NDST1: variants seen among roughly 807,000 people sequenced by gnomAD.
NDST1 encodes the protein bifunctional heparan sulfate N-deacetylase/N-sulfotransferase 1.
NDST1 carries 35 observed loss-of-function variants against 92.8 expected under a neutral mutation model. The observed-to-expected ratio is 0.38, with a 90% CI of 0.29 to 0.50. The LOEUF is 0.50. NDST1 is among the 20% of genes least tolerant of loss of function. The probability of loss-of-function intolerance (pLI) is 0.94; values close to 1 mark genes in which losing one functional copy is unlikely to be tolerated. For missense variants in NDST1, 822 were observed against 1,182.7 expected (o/e 0.69, Z 4.47); for synonymous variants, 493 against 500.3 (o/e 0.99, Z 0.19).
At chr5:150,536,004 A>G in intron 6 of NDST1, 119 bp downstream of exon 6, 3 of 1,226,794 alleles carry the variant, frequency 2.4e-6, no homozygotes, top group African/African-American at 1.5e-5. Flanking sequence ...GTTGCAGATC[A>G]GCTTCTGCTG....
rs1356527960 is a variant in NDST1 at position 150,549,798 on chromosome 5, C to G, written c.2426+11C>G. 1 of 1,555,000 alleles carries G rather than the reference C, an allele frequency of 6.4e-7. No individual in the cohort carries two copies. Among genetic ancestry groups the G allele is most frequent in the East Asian group, 2.2e-5 (1 of 44,606 alleles). On this transcript the variant is annotated intron_variant, in intron 13 of 14. Transcript: ENST00000261797. ...CCACAAAACCTTGGCGTGAGTGTTG[C>G]CTTTTCCTTTCTGCAGGTTATTTCC...
chr5:150,545,014 G>A (rs1314195444), intron 10 of NDST1, among the ~76,000 whole-genome samples: 1 of 152,162 alleles, frequency 6.6e-6, no homozygotes, highest in African/African-American at 2.4e-5. Context: ...CTAGAGTTTA[G>A]GATTGAGGGG....
At position 150,553,021 on chromosome 5, in the gene NDST1, A is replaced by T. The variant is rs1755790054; in HGVS notation, c.2530-192A>T. ...ACCACCTCACCCCGCTAATTTTTGT[A>T]TTTTTAGTAGGGTTTTCCCATGTTG... On this transcript the variant is annotated intron_variant, in intron 14 of 14. Transcript: ENST00000261797. The surrounding 1 kb of genome is among the most constrained non-coding windows in gnomAD (Gnocchi z 4.2). Among the ~76,000 whole-genome samples the T allele has an allele frequency of 6.6e-6, 1 of 151,786 alleles. No individual in the cohort carries two copies. Among genetic ancestry groups the T allele is most frequent in the African/African-American group, 2.4e-5 (1 of 41,282 alleles).
chr5:150,526,347 A>G (rs1754477346), intron 2 of NDST1, among the ~76,000 whole-genome samples: 1 of 152,202 alleles, frequency 6.6e-6, no homozygotes, highest in Non-Finnish European at 1.5e-5. Flanking sequence ...AGCAGGGGCC[A>G]TGTCTTTGTT....
intron 1 of NDST1, among the ~76,000 whole-genome samples, chr5:150,509,564 G>C (rs1753623537): frequency 6.6e-6 from 1 of 152,136 alleles, no homozygotes. Flanking sequence ...TCAGGCTAGA[G>C]TGCAATGGCG....
rs1004799009 is a variant in NDST1, at chr5:150,535,595, T to A, written c.1252-105T>A. On this transcript the variant is annotated intron_variant, in intron 5 of 14. Transcript: ENST00000261797. ...CCATGAAGTCTCAGACCAGCAGCCA[T>A]GCCGACCTAACCTCTGATTTCTCTC... 4.2e-6 allele frequency: 6 copies of A among 1,419,862 alleles called. No homozygotes were observed. In the Admixed American group the frequency reaches 1.1e-4, roughly 25 times the overall value. The allele number at this position is 1,419,862 out of a possible 1,614,324, so 88.0% of individuals were successfully genotyped here.
chr5:150,545,395 T>G lies in NDST1; in HGVS notation c.2054T>G (p.Val685Gly). The change falls in exon 11 of 15, where the codon GTG (valine) becomes GGG (glycine). Residue 685 changes from valine (V) to glycine (G), a missense_variant. Coordinates refer to ENST00000261797, the MANE Select transcript of NDST1 (RefSeq NM_001543.5). ...AGCGCCAACTACTTTGATTCAGAAGTGGCGCCCCGGCGGGCAGCAGCCCTC... is the reference window on the plus strand; with the variant it reads ...AGCGCCAACTACTTTGATTCAGAAGGGGCGCCCCGGCGGGCAGCAGCCCTC... ...EKSANYFDSEVAPRRAAALLP... is the reference protein window; with the variant it reads ...EKSANYFDSEGAPRRAAALLP... 6.2e-7 allele frequency: 1 copy of G among 1,614,252 alleles called. No individual in the cohort carries two copies. The highest frequency in any genetic ancestry group is 8.5e-7 in the Non-Finnish European group (1 of 1,180,040).
chr5:150,517,763 G>T lies in NDST1; in HGVS notation c.-387-3105G>T, dbSNP rs1581359467. ...TCCCACATTCCTGAGACTCTGAGCTGCATCATTCACACTCTGAAAGATTGT... is the reference window on the plus strand; with the variant it reads ...TCCCACATTCCTGAGACTCTGAGCTTCATCATTCACACTCTGAAAGATTGT... On this transcript the variant is annotated intron_variant, in intron 1 of 14. Coordinates refer to ENST00000261797, the MANE Select transcript of NDST1 (RefSeq NM_001543.5). Among the ~76,000 whole-genome samples the T allele has an allele frequency of 2.0e-5, 3 of 152,334 alleles. No individual in the cohort carries two copies. The South Asian group carries it at 6.2e-4, about 32-fold the overall frequency.
intron 1 of NDST1, among the ~76,000 whole-genome samples, chr5:150,516,153 C>T (rs866204005): frequency 2.0e-5 from 3 of 152,222 alleles, no homozygotes; most frequent in East Asian, 1.9e-4. Flanking sequence ...GAGAGGAGGA[C>T]GGCAGCCCTG....
rs563481684 is a variant in NDST1 at position 150,534,695 on chromosome 5, G to C, written c.1097-172G>C. On this transcript the variant is annotated intron_variant, in intron 4 of 14. Transcript: ENST00000261797. ...TGAGTCAAGGGCACACTCTAGACTA[G>C]AATTCAGGGCTCTGGGCTGGGGCTC... Among the ~76,000 whole-genome samples the C allele has an allele frequency of 2.0e-5, 3 of 152,372 alleles. No individual in the cohort carries two copies. The South Asian group carries it at 6.2e-4, about 32-fold the overall frequency.
chr5:150,514,987 T>A (rs998301938), intron 1 of NDST1, among the ~76,000 whole-genome samples: 24 of 152,056 alleles, frequency 1.6e-4, no homozygotes, highest in African/African-American at 5.8e-4. Flanking sequence ...GTGTGCCGGG[T>A]GCTGGTGAGG....
chr5:150,539,713 G>A, intron 7 of NDST1: 2 of 984,850 alleles, frequency 2.0e-6, no homozygotes, highest in Non-Finnish European at 1.2e-6. Context: ...TTTGTAAAAT[G>A]CAAACAATTA....
At chr5:150,531,176 A>G (rs892426714) in intron 3 of NDST1, among the ~76,000 whole-genome samples, 1 of 152,122 alleles carries the variant, frequency 6.6e-6, no homozygotes. Context: ...GCGCAATTTA[A>G]ATAATACCAA....
chr5:150,540,442 G>A (rs1755193462), intron 8 of NDST1, among the ~76,000 whole-genome samples, 178 bp downstream of exon 8: 1 of 152,154 alleles, frequency 6.6e-6, no homozygotes, highest in Admixed American at 6.5e-5. Context: ...TTGCACACAT[G>A]CATGCTCATA....
chr5:150,530,206 T>C (rs1754659181), intron 3 of NDST1, among the ~76,000 whole-genome samples: 1 of 152,242 alleles, frequency 6.6e-6, no homozygotes, highest in Non-Finnish European at 1.5e-5. Context: ...CCTTAGTTGC[T>C]CCAGCGGTGC....
intron 3 of NDST1, among the ~76,000 whole-genome samples, chr5:150,531,952 G>A (rs551498940): frequency 1.7e-4 from 26 of 152,274 alleles, no homozygotes; most frequent in Admixed American, 1.4e-3. Flanking sequence ...GGCACACAGT[G>A]TCCCATCCTT....
At chr5:150,541,719 A>G in intron 9 of NDST1, 53 bp downstream of exon 9, 1 of 1,541,224 alleles carries the variant, frequency 6.5e-7, no homozygotes, top group Non-Finnish European at 9.0e-7. Context: ...TGTCTCAGCC[A>G]CAGAATTCTG....
chr5:150,498,848 C>G (rs372398488), intron 1 of NDST1, among the ~76,000 whole-genome samples: 19 of 152,212 alleles, frequency 1.2e-4, no homozygotes, highest in African/African-American at 4.6e-4. Flanking sequence ...ACTGATACCT[C>G]TATGCCTGCT....
In NDST1 at chr5:150,534,873, A is replaced by G. The variant is rs1754915176; in HGVS notation, c.1103A>G (p.Asn368Ser). Residue 368 changes from asparagine (N) to serine (S), a missense_variant, in exon 5 of 15, where the codon AAT becomes AGT. Physicochemically the swap from Asn to Ser is conservative, Grantham distance 46. Coordinates refer to ENST00000261797, the MANE Select transcript of NDST1 (RefSeq NM_001543.5). ...YSGKFFHTGT[N>S]AEDAGDDLLL... ...GCTGCCTGTGTTGCTGCAGGTACCA[A>G]TGCTGAGGACGCTGGGGATGATCTG... is the stretch of plus-strand genomic sequence containing the variant. The G allele has an allele frequency of 1.9e-6, 3 of 1,614,284 alleles. No individual in the cohort carries two copies. The highest frequency in any genetic ancestry group is 2.5e-6 in the Non-Finnish European group (3 of 1,180,054).
Sources: allele counts gnomAD v4.1 joint callset (sites outside exome capture counted in the v4.1 genomes callset), GRCh38; gene constraint gnomAD v4.1.1; non-coding constraint Gnocchi (gnomAD v3.1); transcripts MANE v1.5; gene names NCBI Gene and HGNC (gene_info 2026-07-23, HGNC 2026-07-21).